The following SIAH1 variants were observed in gnomAD, a reference collection of about 807,000 sequenced individuals.
SIAH1 encodes the protein siah E3 ubiquitin protein ligase 1.
A neutral mutation model predicts 20.0 loss-of-function variants in SIAH1; 2 were observed. The observed-to-expected ratio is 0.10, with a 90% CI of 0.04 to 0.31. The LOEUF (loss-of-function observed/expected upper bound fraction) is 0.31, where lower values mean the gene tolerates loss of function less well. SIAH1 is among the 10% of genes least tolerant of loss of function. SIAH1 has a pLI of 1.00. For synonymous variants in SIAH1, 118 were observed against 125.3 expected, an observed-to-expected ratio of 0.94 and a Z score of 0.39; for missense variants, 119 against 355.3, an observed-to-expected ratio of 0.33 and a Z score of 5.35.
chr16:48,363,896 A>C (rs1376844184), intron 1 of SIAH1: 1 of 165,402 alleles, frequency 6.0e-6, no homozygotes, highest in Non-Finnish European at 1.5e-5. Flanking sequence ...AAGATCAGTC[A>C]ATGTCCTAAG....
intron 1 of SIAH1, among the ~76,000 whole-genome samples, chr16:48,377,139 C>T (rs553727660): frequency 3.0e-4 from 45 of 152,256 alleles, no homozygotes; most frequent in African/African-American, 9.1e-4. Context: ...GAAAATATTT[C>T]TCACTGGCAA....
chr16:48,375,611 C>T (rs1471979525), intron 1 of SIAH1, among the ~76,000 whole-genome samples: 1 of 151,856 alleles, frequency 6.6e-6, no homozygotes, highest in Non-Finnish European at 1.5e-5. Flanking sequence ...TGCACTCCAG[C>T]CCGGGCGACA....
chr16:48,377,108 G>C (rs1961129200), intron 1 of SIAH1, among the ~76,000 whole-genome samples: 1 of 152,112 alleles, frequency 6.6e-6, no homozygotes, highest in Non-Finnish European at 1.5e-5. Flanking sequence ...CAAAATTCAA[G>C]ACTGGCATTA....
intron 1 of SIAH1, among the ~76,000 whole-genome samples, chr16:48,376,050 C>G (rs999403670): frequency 6.6e-6 from 1 of 152,124 alleles, no homozygotes; most frequent in Non-Finnish European, 1.5e-5. Context: ...ATCATGAGAA[C>G]TACAAGAATT....
intron 1 of SIAH1, among the ~76,000 whole-genome samples, chr16:48,377,682 C>T (rs1231642491): frequency 4.6e-5 from 7 of 151,900 alleles, no homozygotes; most frequent in Admixed American, 1.3e-4. Flanking sequence ...AGGCGTGAGC[C>T]GCCACGCTGA....
Position 48,362,567 on chromosome 16 carries a change from T to C in SIAH1, c.-2-137A>G. 2 of 811,740 alleles carry C rather than the reference T, an allele frequency of 2.5e-6. No individual in the cohort carries two copies. Among genetic ancestry groups the C allele is most frequent in the Non-Finnish European group, 3.9e-6 (2 of 517,420 alleles). The allele number at this position is 811,740 out of a possible 1,614,324, so 50.3% of individuals were successfully genotyped here. ...AGCAAAAGAGGAAGAAAAATAGGAT[T>C]AAAAAAGATATTAAAAAAATAAAAT... On this transcript the variant is annotated intron_variant, in intron 1 of 1. Transcript: ENST00000394725. This position sits in a 1 kb window ranked among gnomAD's most constrained non-coding sequence, Gnocchi z 4.2.
chr16:48,385,029 G>A (rs1169829389), intron 1 of SIAH1, among the ~76,000 whole-genome samples, 175 bp downstream of exon 1: 5 of 148,098 alleles, frequency 3.4e-5, no homozygotes, highest in Non-Finnish European at 6.0e-5. Context: ...GGGGCGGGGG[G>A]CGGCGCTCGA....
chr16:48,375,529 T>G lies in SIAH1; in HGVS notation c.-3+9675A>C, dbSNP rs1292213423. Among the ~76,000 whole-genome samples the G allele has an allele frequency of 2.0e-5, 3 of 151,912 alleles. No individual in the cohort carries two copies. In the East Asian group the frequency reaches 5.8e-4, roughly 29 times the overall value. The stretch of plus-strand genomic sequence containing the variant: ...GGTGGGCACCTGTAATCCCAGCTAC[T>G]AGGGAGGCTGAGGCAAGAGAATTGC... On this transcript the variant is annotated intron_variant, in intron 1 of 1. Coordinates refer to ENST00000394725, the MANE Select transcript of SIAH1 (RefSeq NM_003031.4).
intron 1 of SIAH1, among the ~76,000 whole-genome samples, chr16:48,379,298 T>C (rs1182700748): frequency 6.6e-6 from 1 of 152,156 alleles, no homozygotes; most frequent in Non-Finnish European, 1.5e-5. Context: ...CATGTACTAA[T>C]AGAACTAAGG....
intron 1 of SIAH1, among the ~76,000 whole-genome samples, chr16:48,366,956 G>C (rs1960858394): frequency 6.6e-6 from 1 of 152,008 alleles, no homozygotes; most frequent in African/African-American, 2.4e-5. Flanking sequence ...GCCCAGGTCT[G>C]AGTGCAGTGG....
rs1277301476 is a variant in SIAH1, at chr16:48,385,359, C to G, written c.-158G>C. 1 of 155,730 alleles carries G rather than the reference C, an allele frequency of 6.4e-6. No homozygotes were observed. Among genetic ancestry groups the G allele is most frequent in the African/African-American group, 2.5e-5 (1 of 39,974 alleles). 9.6% of individuals were successfully genotyped at this position (155,730 alleles called of 1,614,324 possible). ...CGCCTCTCGAGAGCGCGCCCCGCAA[C>G]GGCCGCCCCGGCTCCCCCCTGGCCG... On this transcript the variant is annotated 5_prime_UTR_variant, in exon 1 of 2. Transcript: ENST00000394725.
intron 1 of SIAH1, among the ~76,000 whole-genome samples, chr16:48,370,657 T>A (rs1960960135): frequency 6.6e-6 from 1 of 151,894 alleles, no homozygotes; most frequent in Non-Finnish European, 1.5e-5. Flanking sequence ...ATACAAAAAA[T>A]TAGCCAGGCG....
chr16:48,366,648 A>T (rs1406338950), intron 1 of SIAH1, among the ~76,000 whole-genome samples: 1 of 152,212 alleles, frequency 6.6e-6, no homozygotes, highest in African/African-American at 2.4e-5. Context: ...TGCATCAGCT[A>T]GTGCGTGCAG....
intron 1 of SIAH1, among the ~76,000 whole-genome samples, chr16:48,364,152 G>A (rs944886981): frequency 1.1e-4 from 16 of 151,760 alleles, no homozygotes; most frequent in Non-Finnish European, 1.5e-4. Flanking sequence ...GTTTCACCAT[G>A]GCTGGTCTCG....
chr16:48,372,592 C>G (rs887224944), intron 1 of SIAH1, among the ~76,000 whole-genome samples: 1 of 152,158 alleles, frequency 6.6e-6, no homozygotes, highest in African/African-American at 2.4e-5. Context: ...TCTACGCAAG[C>G]TAGAGAAAAG....
Position 48,361,365 on chromosome 16 carries a change from A to T in SIAH1, c.*215T>A. The T allele has an allele frequency of 1.9e-6, 1 of 524,854 alleles. No homozygotes were observed. Among genetic ancestry groups the T allele is most frequent in the Non-Finnish European group, 3.4e-6 (1 of 293,594 alleles). 32.5% of individuals were successfully genotyped at this position (524,854 alleles called of 1,614,324 possible). On this transcript the variant is annotated 3_prime_UTR_variant, in exon 2 of 2. Coordinates refer to ENST00000394725, the MANE Select transcript of SIAH1 (RefSeq NM_003031.4). ...ATGCCCATCTTGGGTGTATATACAT[A>T]TATTTTTTCAGTGGTTTACTGTTGA...
At position 48,385,342 on chromosome 16, in the gene SIAH1, G is replaced by C. The variant is rs911327515; in HGVS notation, c.-141C>G. On this transcript the variant is annotated 5_prime_UTR_variant, in exon 1 of 2. Transcript: ENST00000394725. ...ACACCCTGGGCCGCCGCCGCCTCTC[G>C]AGAGCGCGCCCCGCAACGGCCGCCC... 6.3e-6 allele frequency: 1 copy of C among 159,348 alleles called. No homozygotes were observed. Among genetic ancestry groups the C allele is most frequent in the Admixed American group, 6.6e-5 (1 of 15,196 alleles). 9.9% of individuals were successfully genotyped at this position (159,348 alleles called of 1,614,324 possible). A position where few individuals can be genotyped will look rare whatever the true frequency, so the allele number is the denominator to read the frequency against.
chr16:48,372,536 C>G (rs1961011328), intron 1 of SIAH1, among the ~76,000 whole-genome samples: 1 of 152,180 alleles, frequency 6.6e-6, no homozygotes, highest in Non-Finnish European at 1.5e-5. Context: ...TTAAATGCCT[C>G]TATTCATATT....
At chr16:48,385,661 G>T (rs1428600288), upstream of SIAH1, among the ~76,000 whole-genome samples, 1 of 152,090 alleles carries the variant, frequency 6.6e-6, no homozygotes, top group Non-Finnish European at 1.5e-5. Flanking sequence ...ATCCTGGCAC[G>T]TGGCGCTCTG....
Sources: allele counts gnomAD v4.1 joint callset (sites outside exome capture counted in the v4.1 genomes callset), GRCh38; gene constraint gnomAD v4.1.1; non-coding constraint Gnocchi (gnomAD v3.1); transcripts MANE v1.5; gene names NCBI Gene and HGNC (gene_info 2026-07-23, HGNC 2026-07-21).